The following PHF24 variants were observed in gnomAD, a reference collection of about 807,000 sequenced individuals.
PHF24 encodes the protein PHD finger protein 24.
In PHF24, 25 loss-of-function variants were observed where a neutral mutation model predicts 42.6. The observed-to-expected ratio is 0.59, with a 90% CI of 0.43 to 0.82. The LOEUF is 0.82. Ranked by LOEUF, PHF24 falls within the 40% of genes least tolerant of loss-of-function variation. PHF24 has a pLI of 0.00. For synonymous variants in PHF24, 185 were observed against 204.8 expected, an observed-to-expected ratio of 0.90 and a Z score of 0.83; for missense variants, 470 against 538.1, an observed-to-expected ratio of 0.87 and a Z score of 1.25.
the PHF24 span, among the ~76,000 whole-genome samples, chr9:34,699,310 C>T: frequency 6.6e-6 from 1 of 152,198 alleles, no homozygotes; most frequent in African/African-American, 2.4e-5. Context: ...CTGGAAGAGA[C>T]AGCTGATTAC....
At chr9:34,713,040 A>G in the PHF24 span, among the ~76,000 whole-genome samples, 26 of 152,292 alleles carry the variant, frequency 1.7e-4, no homozygotes, top group South Asian at 5.4e-3. Flanking sequence ...ACAGTGTGGT[A>G]TCTCTAGAAA....
At position 34,961,204 on chromosome 9, in the gene PHF24, C is replaced by T. The variant is rs1370119289; in HGVS notation, c.-5+2803C>T. The stretch of plus-strand genomic sequence containing the variant: ...GAATCTATTATCTTTTAGTCCCACA[C>T]GCTTCTCTCCAGCAGTGCTGCTTGG... On this transcript the variant is annotated intron_variant, in intron 1 of 7. Coordinates refer to ENST00000242315, the Ensembl canonical transcript of PHF24. Among the ~76,000 whole-genome samples, 8 of 152,342 alleles carry T rather than the reference C, an allele frequency of 5.3e-5. No individual in the cohort carries two copies. The East Asian group carries it at 9.6e-4, about 18-fold the overall frequency.
At chr9:34,830,120 G>A in the PHF24 span, among the ~76,000 whole-genome samples, 2 of 152,198 alleles carry the variant, frequency 1.3e-5, no homozygotes, top group African/African-American at 4.8e-5. Context: ...GAAATGTTAA[G>A]TAACTTGTCA....
chr9:34,781,641 A>G, the PHF24 span, among the ~76,000 whole-genome samples: 1 of 152,180 alleles, frequency 6.6e-6, no homozygotes, highest in African/African-American at 2.4e-5. Context: ...ATAATGAATA[A>G]TAGAGCAAAA....
the PHF24 span, among the ~76,000 whole-genome samples, chr9:34,715,926 T>C: frequency 1.3e-5 from 2 of 152,224 alleles, no homozygotes; most frequent in Non-Finnish European, 2.9e-5. Context: ...TGGTGGGGTT[T>C]CCAGGGCAGC....
the PHF24 span, among the ~76,000 whole-genome samples, chr9:34,820,655 T>C: frequency 6.6e-6 from 1 of 152,228 alleles, no homozygotes; most frequent in East Asian, 1.9e-4. Context: ...TTTAGGTTGA[T>C]TCCATGTCTT....
the PHF24 span, among the ~76,000 whole-genome samples, chr9:34,928,216 CAAA>C: frequency 1.8e-5 from 2 of 109,280 alleles, no homozygotes; most frequent in Non-Finnish European, 3.6e-5. Flanking sequence ...GACTCTGTCT[CAAA>C]AAAAAAAAAA....
chr9:34,896,110 C>A, the PHF24 span, among the ~76,000 whole-genome samples: 1 of 152,130 alleles, frequency 6.6e-6, no homozygotes, highest in Non-Finnish European at 1.5e-5. Context: ...GCATATGACA[C>A]CGAGTCTCTA....
chr9:34,694,676 C>T, the PHF24 span, among the ~76,000 whole-genome samples: 2 of 152,226 alleles, frequency 1.3e-5, no homozygotes, highest in Non-Finnish European at 2.9e-5. Context: ...ACCATGTTGG[C>T]CAGTCTGGTC....
chr9:34,725,920 G>A, the PHF24 span: 17 of 1,551,750 alleles, frequency 1.1e-5, no homozygotes, highest in Non-Finnish European at 1.2e-5. Flanking sequence ...GGGACTCACT[G>A]TGCAGAGAAG....
the PHF24 span, among the ~76,000 whole-genome samples, chr9:34,783,524 C>T: frequency 2.5e-3 from 375 of 152,290 alleles, 1 homozygote; most frequent in African/African-American, 8.1e-3. Flanking sequence ...CTCTATTGCA[C>T]TCACCCCTGC....
the PHF24 span, among the ~76,000 whole-genome samples, chr9:34,861,301 T>C: frequency 0.48 from 73,118 of 152,002 alleles, 18,342 homozygotes; most frequent in East Asian, 0.67. Flanking sequence ...ACTATGGACA[T>C]GCAAAGGCCA....
chr9:34,903,733 A>ATG, the PHF24 span, among the ~76,000 whole-genome samples: 1 of 152,230 alleles, frequency 6.6e-6, no homozygotes. Flanking sequence ...CAGTGACACT[A>ATG]GCACCTGAGA....
chr9:34,977,952 T>C (rs1451290751), intron 7 of PHF24, 63 bp from the exon 8 acceptor site: 1 of 1,291,860 alleles, frequency 7.7e-7, no homozygotes, highest in Non-Finnish European at 1.1e-6. Context: ...ATGCTGCCCC[T>C]GGGATCAGGG....
chr9:34,796,952 C>T, the PHF24 span, among the ~76,000 whole-genome samples: 1 of 152,336 alleles, frequency 6.6e-6, no homozygotes, highest in East Asian at 1.9e-4. Context: ...AAACAAACGT[C>T]CATCCAATGA....
At chr9:34,725,036 T>C in the PHF24 span, 2 of 1,552,002 alleles carry the variant, frequency 1.3e-6, no homozygotes, top group Non-Finnish European at 8.7e-7. Flanking sequence ...GGGCATAACT[T>C]TGTGATGCAG....
At chr9:34,737,677 T>G in the PHF24 span, among the ~76,000 whole-genome samples, 2 of 152,222 alleles carry the variant, frequency 1.3e-5, no homozygotes, top group Non-Finnish European at 2.9e-5. Context: ...CGAACCCTAA[T>G]TTTTAGTTAG....
At chr9:34,702,929 C>G in the PHF24 span, among the ~76,000 whole-genome samples, 1 of 152,158 alleles carries the variant, frequency 6.6e-6, no homozygotes, top group South Asian at 2.1e-4. Context: ...ATGACTTTAA[C>G]AAAACAGCAT....
chr9:34,762,625 A>C, the PHF24 span, among the ~76,000 whole-genome samples: 9 of 146,594 alleles, frequency 6.1e-5, no homozygotes, highest in Non-Finnish European at 9.0e-5. Flanking sequence ...AGGTTGCAAA[A>C]ATTTTCTCCC....
Sources: allele counts gnomAD v4.1 joint callset (sites outside exome capture counted in the v4.1 genomes callset), GRCh38; gene constraint gnomAD v4.1.1; transcripts MANE v1.5; gene names NCBI Gene and HGNC (gene_info 2026-07-23, HGNC 2026-07-21).